Variants in CDK19 observed in about 807,000 individuals in gnomAD.
The protein encoded by CDK19 is cyclin-dependent kinase 19.
A neutral mutation model predicts 68.3 loss-of-function variants in CDK19; 20 were observed. The observed-to-expected ratio is 0.29, with a 90% CI of 0.21 to 0.43. The LOEUF (loss-of-function observed/expected upper bound fraction) is 0.43. CDK19 is among the 20% of genes least tolerant of loss of function. CDK19 has a pLI of 1.00. For synonymous variants in CDK19, 221 were observed against 222.8 expected (o/e 0.99, Z 0.07); for missense variants, 339 against 623.5 (o/e 0.54, Z 4.86).
intron 1 of CDK19, among the ~76,000 whole-genome samples, chr6:110,802,101 G>C (rs1782384004): frequency 6.6e-6 from 1 of 152,158 alleles, no homozygotes. Context: ...AATTAGTTCA[G>C]CCCCTGTGGA....
chr6:110,759,760 T>C (rs575443706), intron 1 of CDK19, among the ~76,000 whole-genome samples: 1 of 152,098 alleles, frequency 6.6e-6, no homozygotes, highest in Admixed American at 6.6e-5. Flanking sequence ...TTTAAAAGTT[T>C]CCATATAAAT....
chr6:110,783,650 GAAAA>G (rs1018612795), intron 1 of CDK19, among the ~76,000 whole-genome samples: 1 of 134,242 alleles, frequency 7.4e-6, no homozygotes, highest in African/African-American at 2.7e-5. Flanking sequence ...AAAAAAAAAA[GAAAA>G]AAAAAAGCAC....
chr6:110,690,908 A>T (rs139285265), intron 2 of CDK19, among the ~76,000 whole-genome samples: 2 of 152,362 alleles, frequency 1.3e-5, no homozygotes, highest in Admixed American at 6.5e-5. Context: ...AATAATTAGG[A>T]AAGATAGTTT....
At chr6:110,657,768 G>A (rs1370339063) in intron 4 of CDK19, among the ~76,000 whole-genome samples, 1 of 152,214 alleles carries the variant, frequency 6.6e-6, no homozygotes, top group Admixed American at 6.5e-5. Context: ...GCTTAAGTCA[G>A]TGATTATCAA....
intron 1 of CDK19, among the ~76,000 whole-genome samples, chr6:110,795,656 T>C (rs963397802): frequency 6.6e-6 from 1 of 152,142 alleles, no homozygotes; most frequent in Non-Finnish European, 1.5e-5. Context: ...AATTAACTTA[T>C]AAGACGCTAT....
chr6:110,649,705 A>G (rs1192764237), intron 4 of CDK19, among the ~76,000 whole-genome samples: 2 of 152,224 alleles, frequency 1.3e-5, no homozygotes, highest in Non-Finnish European at 2.9e-5. Flanking sequence ...GCATTTAACT[A>G]AAGTACAGAC....
At chr6:110,657,287 A>G (rs1781362201) in intron 4 of CDK19, among the ~76,000 whole-genome samples, 1 of 152,206 alleles carries the variant, frequency 6.6e-6, no homozygotes, top group Admixed American at 6.5e-5. Context: ...CCCTCCCTAT[A>G]GAAGACTTCT....
intron 4 of CDK19, among the ~76,000 whole-genome samples, chr6:110,659,894 C>T (rs910269850): frequency 6.6e-6 from 1 of 152,192 alleles, no homozygotes; most frequent in African/African-American, 2.4e-5. Context: ...GTAACTTTTA[C>T]ACATGAAAAA....
rs566103026 is a variant in CDK19 at position 110,718,068 on chromosome 6, G to C, written c.204+28058C>G. ...CCATAAAAAGGCTCCATTTATGATGGCAGAGAGCAAGCCCTCACCAGACAC... is the reference window on the plus strand; with the variant it reads ...CCATAAAAAGGCTCCATTTATGATGCCAGAGAGCAAGCCCTCACCAGACAC... On this transcript the variant is annotated intron_variant, in intron 2 of 12. Transcript: ENST00000368911. Among the ~76,000 whole-genome samples the C allele has an allele frequency of 5.3e-5, 8 of 152,222 alleles. No individual in the cohort carries two copies. The East Asian group carries it at 1.2e-3, about 22-fold the overall frequency.
At chr6:110,760,943 C>T (rs575804333) in intron 1 of CDK19, among the ~76,000 whole-genome samples, 2 of 152,204 alleles carry the variant, frequency 1.3e-5, no homozygotes, top group South Asian at 2.1e-4. Flanking sequence ...CCTTCTCAGA[C>T]GGGGAATATG....
At position 110,733,356 on chromosome 6, in the gene CDK19, A is replaced by G. The variant is rs191760575; in HGVS notation, c.204+12770T>C. 7.2e-5 allele frequency among the ~76,000 whole-genome samples: 11 copies of G among 152,304 alleles called. No homozygotes were observed. In the East Asian group the frequency reaches 2.1e-3, roughly 29 times the overall value. On this transcript the variant is annotated intron_variant, in intron 2 of 12. Transcript: ENST00000368911. ...TTATTGATCCACTCTCCTATGGCTG[A>G]ACATTTGGATTTTCCCTTGTTTGGG...
At chr6:110,714,923 G>T (rs112113382) in intron 2 of CDK19, among the ~76,000 whole-genome samples, 7,125 of 151,600 alleles carry the variant, frequency 0.047, 172 homozygotes, top group Middle Eastern at 0.078. Flanking sequence ...TAGTAGAAAC[G>T]GGATTTCACC....
intron 4 of CDK19, among the ~76,000 whole-genome samples, chr6:110,644,843 A>G (rs1484487018): frequency 6.6e-6 from 1 of 152,134 alleles, no homozygotes; most frequent in Non-Finnish European, 1.5e-5. Flanking sequence ...GGAATCTACT[A>G]TGTGTCTGTA....
rs774446028 is a variant in CDK19, at chr6:110,815,356, ACGG to A, written c.-223_-221del. ...CACCTCTTCCTCCTCCTCCTCCGCG[ACGG>A]CGGCGGCGGCTCCCGCAGGCACCCC... is the stretch of plus-strand genomic sequence containing the variant. On this transcript the variant is annotated 5_prime_UTR_variant, in exon 1 of 13. Coordinates refer to ENST00000368911, the MANE Select transcript of CDK19 (RefSeq NM_015076.5). 128 of 393,232 alleles carry A rather than the reference ACGG, an allele frequency of 3.3e-4. No individual in the cohort carries two copies. Among genetic ancestry groups the A allele is most frequent in the Non-Finnish European group, 5.0e-4 (115 of 229,644 alleles). 24.4% of individuals were successfully genotyped at this position (393,232 alleles called of 1,614,324 possible).
chr6:110,672,915 T>C (rs894275192), intron 2 of CDK19, among the ~76,000 whole-genome samples: 2 of 152,182 alleles, frequency 1.3e-5, no homozygotes, highest in African/African-American at 4.8e-5. Flanking sequence ...TGGTAAAATA[T>C]ATACATAATG....
At chr6:110,774,546 G>T (rs914090103) in intron 1 of CDK19, among the ~76,000 whole-genome samples, 1 of 152,274 alleles carries the variant, frequency 6.6e-6, no homozygotes, top group East Asian at 1.9e-4. Context: ...TTTGAAACAC[G>T]AAATCTTTAT....
intron 4 of CDK19, chr6:110,646,297 A>T: frequency 6.6e-7 from 1 of 1,504,682 alleles, no homozygotes; most frequent in Non-Finnish European, 8.8e-7. Flanking sequence ...TGCAAGCACA[A>T]GGTGCTCAGC....
In CDK19 at chr6:110,610,459, G is replaced by C. The variant is rs1412583817; in HGVS notation, c.*4076C>G. The C allele has an allele frequency of 6.6e-6, 1 of 151,568 alleles. No individual in the cohort carries two copies. Among genetic ancestry groups the C allele is most frequent in the African/African-American group, 2.4e-5 (1 of 41,124 alleles). 9.4% of individuals were successfully genotyped at this position (151,568 alleles called of 1,614,324 possible). ...TAGTATTAATTTACTAAATATTTAG[G>C]AGATAACAGTGCATTAAGGGTTTTT... On this transcript the variant is annotated 3_prime_UTR_variant, in exon 13 of 13. Transcript: ENST00000368911.
chr6:110,791,456 A>T (rs1340785006), intron 1 of CDK19, among the ~76,000 whole-genome samples: 2 of 152,078 alleles, frequency 1.3e-5, no homozygotes, highest in Non-Finnish European at 2.9e-5. Context: ...ACTATTGGAA[A>T]AGAAGGTTTA....
Sources: allele counts gnomAD v4.1 joint callset (sites outside exome capture counted in the v4.1 genomes callset), GRCh38; gene constraint gnomAD v4.1.1; transcripts MANE v1.5; gene names NCBI Gene and HGNC (gene_info 2026-07-23, HGNC 2026-07-21).